Variants in SLC24A4 observed in about 807,000 individuals in gnomAD.
SLC24A4 encodes sodium/potassium/calcium exchanger 4.
A neutral mutation model predicts 79.0 loss-of-function variants in SLC24A4; 53 were observed. That is an observed-to-expected ratio of 0.67 (90% CI 0.54 to 0.84). The LOEUF (loss-of-function observed/expected upper bound fraction) is 0.84, where lower values mean the gene tolerates loss of function less well. SLC24A4 is among the 40% of genes least tolerant of loss of function. The pLI is 0.00. For missense variants in SLC24A4, 731 were observed against 822.0 expected (o/e 0.89, Z 1.35); for synonymous variants, 323 against 323.8 (o/e 1.00, Z 0.03).
chr14:92,419,307 T>TAGTG (rs1339674844), intron 2 of SLC24A4, among the ~76,000 whole-genome samples: 1 of 152,096 alleles, frequency 6.6e-6, no homozygotes, highest in Non-Finnish European at 1.5e-5. Flanking sequence ...CCTTCCCAGT[T>TAGTG]AGTGGCAAGC....
Position 92,458,076 on chromosome 14 carries a change from C to T in SLC24A4, c.1255+1468C>T, listed in dbSNP as rs201764400. Reference sequence around the variant, plus strand: ...TGGGTTAGAGATTCCAGGGCATGCTCGTCGCAGCTATCCAGGGGCTCTTCC... The same window carrying T: ...TGGGTTAGAGATTCCAGGGCATGCTTGTCGCAGCTATCCAGGGGCTCTTCC... On this transcript the variant is annotated intron_variant, in intron 12 of 16. Coordinates refer to ENST00000532405, the MANE Select transcript of SLC24A4 (RefSeq NM_153646.4). Among the ~76,000 whole-genome samples the T allele has an allele frequency of 3.3e-4, 50 of 152,316 alleles. No individual in the cohort carries two copies. The East Asian group carries it at 9.3e-3, about 28-fold the overall frequency.
chr14:92,354,871 C>T (rs181210217), intron 2 of SLC24A4, among the ~76,000 whole-genome samples: 10 of 152,204 alleles, frequency 6.6e-5, no homozygotes, highest in Admixed American at 2.0e-4. Context: ...GCCAAGAGTT[C>T]GAGACCAGCC....
rs565782361 is a variant in SLC24A4, at chr14:92,348,633, A to G, written c.241+22655A>G. ...CACAGTAATTACTCTTACTCTGTCCATTGATTCATTTTCTGGGATAATTTT... is the reference window on the plus strand; with the variant it reads ...CACAGTAATTACTCTTACTCTGTCCGTTGATTCATTTTCTGGGATAATTTT... On this transcript the variant is annotated intron_variant, in intron 2 of 16. Coordinates refer to ENST00000532405, the MANE Select transcript of SLC24A4 (RefSeq NM_153646.4). 4.6e-5 allele frequency among the ~76,000 whole-genome samples: 7 copies of G among 152,312 alleles called. No homozygotes were observed. The South Asian group carries it at 1.2e-3, about 27-fold the overall frequency.
chr14:92,433,923 T>A lies in SLC24A4; in HGVS notation c.253T>A (p.Phe85Ile). ...KNCTDPAIHE[F>I]PTDLFSNKER... ...TTCCTGTCTTCCAGCGATTCACGAG[T>A]TCCCCACAGATCTGTTCTCCAATAA... Residue 85 changes from phenylalanine (F) to isoleucine (I), a missense_variant, in exon 3 of 17, where the codon TTC becomes ATC. Phe to Ile is a conservative substitution (Grantham distance 21, BLOSUM62 0). Transcript: ENST00000532405. 1 of 1,614,092 alleles carries A rather than the reference T, an allele frequency of 6.2e-7. No homozygotes were observed. Among genetic ancestry groups the A allele is most frequent in the Non-Finnish European group, 8.5e-7 (1 of 1,179,978 alleles).
intron 14 of SLC24A4, among the ~76,000 whole-genome samples, chr14:92,488,962 A>G (rs1296977976): frequency 2.0e-5 from 3 of 152,172 alleles, no homozygotes; most frequent in East Asian, 3.9e-4. Context: ...AAGATCAACA[A>G]AGGGTCTCTG....
chr14:92,390,555 G>A, intron 2 of SLC24A4, among the ~76,000 whole-genome samples: 1 of 152,144 alleles, frequency 6.6e-6, no homozygotes, highest in East Asian at 1.9e-4. Flanking sequence ...TCAAAGCCCT[G>A]AATTTGAAAT....
rs571499403 is a variant in SLC24A4, at chr14:92,500,441, GAA to G, written c.*6814_*6815del. On this transcript the variant is annotated 3_prime_UTR_variant, in exon 17 of 17. Transcript: ENST00000532405. ...GACGCGCAGTCCTCTTTCAATGGAA[GAA>G]GAGAGGACTTTTCCCCTCCTGAAAA... The G allele has an allele frequency of 4.9e-4, 74 of 152,364 alleles. No individual in the cohort carries two copies. The highest frequency in any genetic ancestry group is 1.8e-3 in the African/African-American group (73 of 41,594). 9.4% of individuals were successfully genotyped at this position (152,364 alleles called of 1,614,324 possible).
chr14:92,423,045 A>G (rs1891367093), intron 2 of SLC24A4, among the ~76,000 whole-genome samples: 1 of 152,206 alleles, frequency 6.6e-6, no homozygotes, highest in African/African-American at 2.4e-5. Flanking sequence ...TCCTGGACTC[A>G]AGCAATCCTC....
At chr14:92,432,864 C>G (rs1891953004) in intron 2 of SLC24A4, among the ~76,000 whole-genome samples, 1 of 152,102 alleles carries the variant, frequency 6.6e-6, no homozygotes, top group African/African-American at 2.4e-5. Context: ...GATTTCTGTC[C>G]TGGAAGTTTA....
chr14:92,380,874 C>A lies in SLC24A4; in HGVS notation c.242-53038C>A, dbSNP rs1888806473. The stretch of plus-strand genomic sequence containing the variant: ...GCTCATGAGCTGAGTGACCGTGGAC[C>A]AGGGAGGTGACTGCCGTGAGTCCCA... On this transcript the variant is annotated intron_variant, in intron 2 of 16. Coordinates refer to ENST00000532405, the MANE Select transcript of SLC24A4 (RefSeq NM_153646.4). Among the ~76,000 whole-genome samples, 3 of 152,154 alleles carry A rather than the reference C, an allele frequency of 2.0e-5. No individual in the cohort carries two copies. In the South Asian group the frequency reaches 6.2e-4, roughly 31 times the overall value.
At chr14:92,395,756 A>G (rs1470418143) in intron 2 of SLC24A4, among the ~76,000 whole-genome samples, 1 of 150,074 alleles carries the variant, frequency 6.7e-6, no homozygotes, top group African/African-American at 2.4e-5. Context: ...ACTTGGAGGA[A>G]GCATGCTTTA....
chr14:92,413,155 ACT>A (rs1890812527), intron 2 of SLC24A4, among the ~76,000 whole-genome samples: 1 of 151,878 alleles, frequency 6.6e-6, no homozygotes, highest in Non-Finnish European at 1.5e-5. Flanking sequence ...GGTTTAAGAT[ACT>A]CTCATCCTGT....
intron 13 of SLC24A4, chr14:92,483,882 A>C: frequency 7.8e-7 from 1 of 1,288,748 alleles, no homozygotes; most frequent in Non-Finnish European, 1.0e-6. Context: ...CGATCTTGAC[A>C]TGAGAGACAG....
intron 2 of SLC24A4, among the ~76,000 whole-genome samples, chr14:92,343,580 TTTTCTTTC>T (rs376436087): frequency 0.019 from 1,585 of 85,030 alleles, 116 homozygotes; most frequent in African/African-American, 0.04. Flanking sequence ...TTAATTACTG[TTTTCTTTC>T]TTTCTTTCTT....
chr14:92,330,666 A>T (rs994719277), intron 2 of SLC24A4, among the ~76,000 whole-genome samples: 1 of 152,240 alleles, frequency 6.6e-6, no homozygotes, highest in African/African-American at 2.4e-5. Context: ...TCCAAGATCA[A>T]GGTGACTGGT....
intron 2 of SLC24A4, among the ~76,000 whole-genome samples, chr14:92,411,293 G>A (rs1890693428): frequency 6.6e-6 from 1 of 152,128 alleles, no homozygotes; most frequent in Admixed American, 6.5e-5. Flanking sequence ...CACTGGCCTG[G>A]AATCCCAAGC....
intron 2 of SLC24A4, among the ~76,000 whole-genome samples, chr14:92,380,571 A>G (rs1481326126): frequency 6.6e-6 from 1 of 152,226 alleles, no homozygotes; most frequent in Non-Finnish European, 1.5e-5. Context: ...GCATTCCTGA[A>G]AACCTAGACC....
chr14:92,329,470 C>T (rs1175192005), intron 2 of SLC24A4, among the ~76,000 whole-genome samples: 2 of 152,186 alleles, frequency 1.3e-5, no homozygotes, highest in Non-Finnish European at 2.9e-5. Flanking sequence ...GAGTTTCAGC[C>T]TAAGTACCAG....
intron 2 of SLC24A4, among the ~76,000 whole-genome samples, chr14:92,347,911 G>A (rs1346374903): frequency 7.9e-5 from 12 of 152,242 alleles, no homozygotes; most frequent in African/African-American, 2.9e-4. Context: ...GGGTGACAGA[G>A]CGAGACTCCA....
Sources: gnomAD v4.1 joint callset for allele counts (sites outside exome capture counted in the v4.1 genomes callset) on GRCh38, gnomAD v4.1.1 for gene constraint, MANE v1.5 for transcripts, NCBI Gene and HGNC (gene_info 2026-07-23, HGNC 2026-07-21) for gene names.